The following PLCB4 variants were observed in gnomAD, a reference collection of about 807,000 sequenced individuals.
PLCB4 encodes phospholipase C beta 4.
In PLCB4, 77 loss-of-function variants were observed where a neutral mutation model predicts 178.8. The observed-to-expected ratio is 0.43, with a 90% CI of 0.36 to 0.52. PLCB4 has a LOEUF of 0.52. Among genes scored for constraint, PLCB4 ranks in the 20% least tolerant of loss-of-function variants. The probability of loss-of-function intolerance (pLI) is 0.00; values close to 1 mark genes in which losing one functional copy is unlikely to be tolerated. For synonymous variants in PLCB4, 496 were observed against 490.8 expected, an observed-to-expected ratio of 1.01 and a Z score of -0.14; for missense variants, 1,024 against 1,453.4, an observed-to-expected ratio of 0.70 and a Z score of 4.80.
intron 27 of PLCB4, 132 bp downstream of exon 27, chr20:9,421,593 C>T: frequency 1.4e-6 from 1 of 705,448 alleles, no homozygotes; most frequent in Non-Finnish European, 2.4e-6. Flanking sequence ...TAATGGCTAA[C>T]TTCTGTAGCT....
At chr20:9,169,806 CT>C (rs1207386331) in intron 2 of PLCB4, among the ~76,000 whole-genome samples, 1 of 152,052 alleles carries the variant, frequency 6.6e-6, no homozygotes, top group Non-Finnish European at 1.5e-5. Flanking sequence ...CAATGAACAG[CT>C]GTGTATTCAC....
chr20:9,145,345 T>C (rs780055600), intron 2 of PLCB4, among the ~76,000 whole-genome samples: 5 of 152,120 alleles, frequency 3.3e-5, no homozygotes, highest in Non-Finnish European at 7.4e-5. Context: ...AGATGCATCT[T>C]CAGCAAATTT....
chr20:9,467,638 ATTTCCT>A (rs2043887890), intron 35 of PLCB4, among the ~76,000 whole-genome samples: 2 of 152,164 alleles, frequency 1.3e-5, no homozygotes, highest in Non-Finnish European at 2.9e-5. Context: ...AGAAAGGTCA[ATTTCCT>A]AACAAGTTAT....
In PLCB4 at chr20:9,421,405, G is replaced by T. The variant is rs1218997055; in HGVS notation, c.2263G>T (p.Val755Phe). 3.7e-6 allele frequency: 6 copies of T among 1,613,960 alleles called. No homozygotes were observed. The South Asian group carries it at 6.6e-5, about 18-fold the overall frequency. Residue 755 changes from valine (V) to phenylalanine (F), a missense_variant, in exon 27 of 40, where the codon GTT (valine) becomes TTT (phenylalanine). Around this residue, in one of 7 missense-constraint regions of PLCB4, gnomAD observed 227 missense variants for 374.3 expected, o/e 0.61. Coordinates refer to ENST00000378473, the MANE Select transcript of PLCB4 (RefSeq NM_001377142.1). Reference protein sequence around the residue: ...TIRKEFRTRMVMNNGLNPVYN... With the variant: ...TIRKEFRTRMFMNNGLNPVYN... ...ACGTAAGGAATTCCGAACTCGCATG[G>T]TTATGAATAATGGACTCAATCCAGT...
intron 33 of PLCB4, among the ~76,000 whole-genome samples, chr20:9,456,292 G>C (rs944236425): frequency 1.3e-5 from 2 of 152,170 alleles, no homozygotes; most frequent in Admixed American, 1.3e-4. Flanking sequence ...GATTGACCTG[G>C]GAAAGGGAAG....
At chr20:9,398,114 A>G (rs973855122) in intron 19 of PLCB4, among the ~76,000 whole-genome samples, 2 of 152,212 alleles carry the variant, frequency 1.3e-5, no homozygotes, top group Non-Finnish European at 2.9e-5. Flanking sequence ...CAGATGGAAC[A>G]TCTAAGAGCC....
At chr20:9,191,661 C>G (rs1215556130) in intron 2 of PLCB4, among the ~76,000 whole-genome samples, 1 of 152,022 alleles carries the variant, frequency 6.6e-6, no homozygotes, top group Non-Finnish European at 1.5e-5. Flanking sequence ...TATGGCAAAT[C>G]AATGGTCTGT....
chr20:9,304,239 G>A (rs1038666032), intron 3 of PLCB4, among the ~76,000 whole-genome samples: 6 of 148,340 alleles, frequency 4.0e-5, no homozygotes, highest in African/African-American at 1.3e-4. Context: ...ATGTGTGTGT[G>A]GGGGGGTGTG....
At chr20:9,429,450 T>C (rs1331844886) in intron 28 of PLCB4, among the ~76,000 whole-genome samples, 3 of 152,230 alleles carry the variant, frequency 2.0e-5, no homozygotes, top group African/African-American at 4.8e-5. Context: ...AAATGTCATA[T>C]TGGCACCAAA....
intron 2 of PLCB4, among the ~76,000 whole-genome samples, chr20:9,153,748 A>G (rs971789697): frequency 6.6e-6 from 1 of 152,142 alleles, no homozygotes; most frequent in African/African-American, 2.4e-5. Context: ...AAGGGGAGGA[A>G]TAAGGTGCAT....
chr20:9,196,560 G>C (rs2147165709), intron 2 of PLCB4, among the ~76,000 whole-genome samples: 1 of 152,198 alleles, frequency 6.6e-6, no homozygotes, highest in East Asian at 1.9e-4. Flanking sequence ...GAAAGATACT[G>C]ATGTTTGGGT....
At chr20:9,138,960 C>T (rs926572371) in intron 2 of PLCB4, among the ~76,000 whole-genome samples, 2 of 152,024 alleles carry the variant, frequency 1.3e-5, no homozygotes, top group Non-Finnish European at 2.9e-5. Context: ...GTATTATAGT[C>T]AAAGCCTTTG....
At chr20:9,366,960 G>A (rs914024471) in intron 9 of PLCB4, among the ~76,000 whole-genome samples, 1 of 152,182 alleles carries the variant, frequency 6.6e-6, no homozygotes, top group Non-Finnish European at 1.5e-5. Context: ...CCAGGTCACC[G>A]AGTGCGTAGC....
At chr20:9,330,960 G>A (rs1331738066) in intron 4 of PLCB4, among the ~76,000 whole-genome samples, 1 of 152,160 alleles carries the variant, frequency 6.6e-6, no homozygotes, top group Non-Finnish European at 1.5e-5. Context: ...CTTTGTCCCA[G>A]GTACTTAGAC....
chr20:9,209,325 A>G (rs1004031527), intron 2 of PLCB4, among the ~76,000 whole-genome samples: 1 of 151,986 alleles, frequency 6.6e-6, no homozygotes, highest in Non-Finnish European at 1.5e-5. Context: ...AGTTACATAG[A>G]TGACAAATGC....
intron 4 of PLCB4, among the ~76,000 whole-genome samples, chr20:9,332,542 A>T (rs1236132910): frequency 6.6e-6 from 1 of 151,578 alleles, no homozygotes; most frequent in Non-Finnish European, 1.5e-5. Flanking sequence ...TGATGAGCTG[A>T]TTGTGGGTTT....
At chr20:9,286,114 C>T (rs958180934) in intron 3 of PLCB4, among the ~76,000 whole-genome samples, 21 of 151,952 alleles carry the variant, frequency 1.4e-4, no homozygotes, top group African/African-American at 5.1e-4. Flanking sequence ...CCATGTGTCT[C>T]ATGAAAATGT....
chr20:9,102,613 A>G (rs965136210), intron 2 of PLCB4, among the ~76,000 whole-genome samples: 1 of 152,196 alleles, frequency 6.6e-6, no homozygotes, highest in Non-Finnish European at 1.5e-5. Context: ...ATGCTGATAT[A>G]TTTGAAATGT....
intron 7 of PLCB4, among the ~76,000 whole-genome samples, chr20:9,356,540 C>T (rs1011352619): frequency 6.6e-6 from 1 of 152,136 alleles, no homozygotes; most frequent in African/African-American, 2.4e-5. Context: ...CATCTAAGCA[C>T]CTTATAAGGA....
Sources: allele counts gnomAD v4.1 joint callset (sites outside exome capture counted in the v4.1 genomes callset), GRCh38; gene constraint gnomAD v4.1.1; regional missense constraint gnomAD v4.1.1; transcripts MANE v1.5; gene names NCBI Gene and HGNC (gene_info 2026-07-23, HGNC 2026-07-21).